Variants in IFI27L2 observed in about 807,000 individuals in gnomAD.
The protein encoded by IFI27L2 is interferon alpha inducible protein 27 like 2.
A neutral mutation model predicts 7.9 loss-of-function variants in IFI27L2; 8 were observed. The observed-to-expected ratio is 1.02, with a 90% CI of 0.60 to 1.84. The LOEUF is 1.84. IFI27L2 is among the 40% of genes most tolerant of loss of function. The pLI is 0.00. For missense variants in IFI27L2, 190 were observed against 165.8 expected, an observed-to-expected ratio of 1.15 and a Z score of -0.80; for synonymous variants, 56 against 66.5, an observed-to-expected ratio of 0.84 and a Z score of 0.77.
In IFI27L2 at chr14:94,128,562, C is replaced by G; in HGVS notation, c.151G>C (p.Gly51Arg). The change falls in exon 3 of 4, where the codon GGG becomes CGG. Residue 51 changes from glycine (G) to arginine (R), a missense_variant. Coordinates refer to ENST00000238609, the MANE Select transcript of IFI27L2 (RefSeq NM_032036.3). ...AGGCTCCCCGCAGAAACACCACCCC[C>G]GTTGGCAATGGCTGCTGCGGACATC... Reference protein sequence around the residue: ...KMMSAAAIANGGGVSAGSLVA... With the variant: ...KMMSAAAIANRGGVSAGSLVA... 6.2e-7 allele frequency: 1 copy of G among 1,614,208 alleles called. No individual in the cohort carries two copies. The highest frequency in any genetic ancestry group is 8.5e-7 in the Non-Finnish European group (1 of 1,180,020).
Position 94,127,929 on chromosome 14 carries a change from G to T in IFI27L2, c.263C>A (p.Ala88Asp). The change falls in exon 4 of 4, where the codon GCC becomes GAC. Residue 88 changes from alanine to aspartate, a missense_variant. Transcript: ENST00000238609. ...AGAAGAAGGTGAATTCCCCAAGCAGGCCCCCAACACTGACCCAACAGAGGC... is the reference window on the plus strand; with the variant it reads ...AGAAGAAGGTGAATTCCCCAAGCAGTCCCCCAACACTGACCCAACAGAGGC... ...LLASVGSVLG[A>D]CLGNSPSSSL... is the part of the protein sequence containing the mutation. 5 of 1,613,678 alleles carry T rather than the reference G, an allele frequency of 3.1e-6. No individual in the cohort carries two copies. The highest frequency in any genetic ancestry group is 4.2e-6 in the Non-Finnish European group (5 of 1,179,678).
intron 2 of IFI27L2, 74 bp downstream of exon 2, chr14:94,129,188 A>C: frequency 8.0e-7 from 1 of 1,256,404 alleles, no homozygotes; most frequent in Non-Finnish European, 1.1e-6. Flanking sequence ...CCAGCGCCTC[A>C]TCTCTGCGTT....
intron 2 of IFI27L2, 29 bp downstream of exon 2, chr14:94,129,233 C>T: frequency 6.2e-7 from 1 of 1,600,828 alleles, no homozygotes; most frequent in Non-Finnish European, 8.6e-7. Flanking sequence ...TAGGTGAGGG[C>T]CTGGAGACAG....
rs1049449118 is a variant in IFI27L2 at position 94,129,399 on chromosome 14, G to A, written c.8-108C>T. Reference sequence around the variant, plus strand: ...GGGAGGGAAGCAAGGAGCGGAGGGAGGAAGGGAAGGGGAGGGAGGAAGGGA... The same window carrying A: ...GGGAGGGAAGCAAGGAGCGGAGGGAAGAAGGGAAGGGGAGGGAGGAAGGGA... On this transcript the variant is annotated intron_variant, in intron 1 of 3. Transcript: ENST00000238609. 95 of 1,034,980 alleles carry A rather than the reference G, an allele frequency of 9.2e-5. 1 individual carries two copies. In the South Asian group the frequency reaches 1.3e-3, roughly 14 times the overall value. The allele number at this position is 1,034,980 out of a possible 1,614,324, so 64.1% of individuals were successfully genotyped here. A position where few individuals can be genotyped will look rare whatever the true frequency, so the allele number is the denominator to read the frequency against.
chr14:94,128,469 G>A (rs748233158), intron 3 of IFI27L2, 45 bp downstream of exon 3: 1 of 1,590,122 alleles, frequency 6.3e-7, no homozygotes, highest in Non-Finnish European at 8.6e-7. Flanking sequence ...CAGCCTCAGG[G>A]CTGGATCTTC....
chr14:94,128,418 G>A (rs1887624014), intron 3 of IFI27L2, 96 bp downstream of exon 3: 4 of 1,116,022 alleles, frequency 3.6e-6, no homozygotes, highest in Middle Eastern at 2.0e-4. Context: ...AGGAAGCTGA[G>A]GGTCACGGAA....
In IFI27L2 at chr14:94,128,603, G is replaced by A. The variant is rs867894828; in HGVS notation, c.110C>T (p.Ser37Phe). The A allele has an allele frequency of 2.5e-6, 4 of 1,614,160 alleles. No homozygotes were observed. Among genetic ancestry groups the A allele is most frequent in the Middle Eastern group, 1.6e-4 (1 of 6,062 alleles). ...GFTGAGIAASSIAAKMMSAAA... is the reference protein window; with the variant it reads ...GFTGAGIAASFIAAKMMSAAA... ...TGCGGACATCATCTTGGCTGCTATG[G>A]AGGACGCGGCGATTCCTGCCCCAGT... Residue 37 changes from serine (S) to phenylalanine (F), a missense_variant, in exon 3 of 4, where the codon TCC (serine) becomes TTC (phenylalanine). By Grantham distance (155) the Ser-to-Phe change is radical. Coordinates refer to ENST00000238609, the MANE Select transcript of IFI27L2 (RefSeq NM_032036.3).
intron 3 of IFI27L2, 67 bp from the exon 4 acceptor site, chr14:94,128,059 C>T: frequency 9.3e-7 from 1 of 1,078,020 alleles, no homozygotes; most frequent in South Asian, 1.4e-5. Context: ...CCGGATCCCT[C>T]CTCCAGGTCC....
At position 94,129,281 on chromosome 14, in the gene IFI27L2, AGCT is replaced by A. The variant is rs1414977728; in HGVS notation, c.15_17del (p.Ala9del). The A allele has an allele frequency of 1.9e-6, 3 of 1,610,012 alleles. No homozygotes were observed. Among genetic ancestry groups the A allele is most frequent in the Non-Finnish European group, 2.5e-6 (3 of 1,177,924 alleles). On this transcript the variant is annotated inframe_deletion, in exon 2 of 4. Transcript: ENST00000238609. Reference sequence around the variant, plus strand: ...ACTTACCTCCTCCCACTGCAGCAGCAGCTGCCCGTTCTAGAGAGAGAGTGCCAG... The same window carrying A: ...ACTTACCTCCTCCCACTGCAGCAGCAGCCCGTTCTAGAGAGAGAGTGCCAG...
At chr14:94,128,028 G>A in intron 3 of IFI27L2, 36 bp from the exon 4 acceptor site, 1 of 1,481,992 alleles carries the variant, frequency 6.7e-7, no homozygotes, top group African/African-American at 1.4e-5. Flanking sequence ...CAGGGGTCGG[G>A]CAGTGGCCCA....
In IFI27L2 at chr14:94,128,577, C is replaced by T. The variant is rs1320126867; in HGVS notation, c.136G>A (p.Ala46Thr). 6.2e-7 allele frequency: 1 copy of T among 1,614,192 alleles called. No individual in the cohort carries two copies. The highest frequency in any genetic ancestry group is 1.7e-5 in the Admixed American group (1 of 60,034). ...ACACCACCCCCGTTGGCAATGGCTG[C>T]TGCGGACATCATCTTGGCTGCTATG... The part of the protein sequence containing the change: ...SSIAAKMMSA[A>T]AIANGGGVSA... The change falls in exon 3 of 4, where the codon GCA (alanine) becomes ACA (threonine). Residue 46 changes from alanine (A) to threonine (T), a missense_variant. Physicochemically the swap from Ala to Thr is moderately conservative, Grantham distance 58. Transcript: ENST00000238609.
At position 94,128,610 on chromosome 14, in the gene IFI27L2, C is replaced by T. The variant is rs766846549; in HGVS notation, c.103G>A (p.Ala35Thr). Reference sequence around the variant, plus strand: ...ATCATCTTGGCTGCTATGGAGGACGCGGCGATTCCTGCCCCAGTGAAGCCC... The same window carrying T: ...ATCATCTTGGCTGCTATGGAGGACGTGGCGATTCCTGCCCCAGTGAAGCCC... ...AMGFTGAGIAASSIAAKMMSA... is the reference protein window; with the variant it reads ...AMGFTGAGIATSSIAAKMMSA... Residue 35 changes from alanine to threonine, a missense_variant, in exon 3 of 4, where the codon GCG (alanine) becomes ACG (threonine). By Grantham distance (58) the Ala-to-Thr change is moderately conservative. Coordinates refer to ENST00000238609, the MANE Select transcript of IFI27L2 (RefSeq NM_032036.3). 6.2e-6 allele frequency: 10 copies of T among 1,614,016 alleles called. No homozygotes were observed. The highest frequency in any genetic ancestry group is 3.3e-5 in the Admixed American group (2 of 60,012).
In IFI27L2 at chr14:94,127,904, A is replaced by C; in HGVS notation, c.288T>G (p.Ser96=). 2 of 1,613,794 alleles carry C rather than the reference A, an allele frequency of 1.2e-6. No individual in the cohort carries two copies. Among genetic ancestry groups the C allele is most frequent in the Non-Finnish European group, 1.7e-6 (2 of 1,179,746 alleles). The change falls in exon 4 of 4, where the codon TCT becomes TCG. Residue 96 remains serine, a synonymous_variant. Transcript: ENST00000238609. ...TAGCCTCGGGTTCAGCTGGGAGAGA[A>C]GAAGAAGGTGAATTCCCCAAGCAGG... ...LGACLGNSPS[S]SLPAEPEAKE... is the part of the protein sequence containing the mutation.
At chr14:94,128,371 C>T in intron 3 of IFI27L2, 143 bp downstream of exon 3, 1 of 719,254 alleles carries the variant, frequency 1.4e-6, no homozygotes, top group Non-Finnish European at 2.3e-6. Flanking sequence ...TCAGAAGGAG[C>T]CAGAAGAGGG....
rs1337623719 is a variant in IFI27L2 at position 94,129,540 on chromosome 14, T to TG, written c.7+17dup. On this transcript the variant is annotated intron_variant, in intron 1 of 3. Coordinates refer to ENST00000238609, the MANE Select transcript of IFI27L2 (RefSeq NM_032036.3). ...CCCCCAGCCCAGCCCGCCAGCCCCCTGGGGAAGCAAGACTCACTCATCATG... is the reference window on the plus strand; with the variant it reads ...CCCCCAGCCCAGCCCGCCAGCCCCCTGGGGGAAGCAAGACTCACTCATCATG... 2 of 1,612,208 alleles carry TG rather than the reference T, an allele frequency of 1.2e-6. No individual in the cohort carries two copies. Among genetic ancestry groups the TG allele is most frequent in the African/African-American group, 2.7e-5 (2 of 74,594 alleles).
chr14:94,129,315 G>T (rs758334301), intron 1 of IFI27L2, 24 bp from the exon 2 acceptor site: 2 of 1,606,974 alleles, frequency 1.2e-6, no homozygotes, highest in East Asian at 4.5e-5. Flanking sequence ...GCCAGGGGAA[G>T]GCAGAGGGAG....
chr14:94,129,194 G>A, intron 2 of IFI27L2, 68 bp downstream of exon 2: 1 of 1,328,796 alleles, frequency 7.5e-7, no homozygotes. Context: ...CCTCATCTCT[G>A]CGTTCTCCCA....
Position 94,129,422 on chromosome 14 carries a change from G to A in IFI27L2, c.8-131C>T, listed in dbSNP as rs542689082. 17 of 1,026,948 alleles carry A rather than the reference G, an allele frequency of 1.7e-5. No homozygotes were observed. The African/African-American group carries it at 1.9e-4, about 11-fold the overall frequency. 63.6% of individuals were successfully genotyped at this position (1,026,948 alleles called of 1,614,324 possible). On this transcript the variant is annotated intron_variant, in intron 1 of 3. Coordinates refer to ENST00000238609, the MANE Select transcript of IFI27L2 (RefSeq NM_032036.3). ...GAGGAAGGGAAGGGGAGGGAGGAAG[G>A]GAGGGAGAGGGAGTCAGTAGGTCAG...
chr14:94,129,567 T>C lies in IFI27L2; in HGVS notation c.-3A>G, dbSNP rs1294239732. 2 of 1,613,650 alleles carry C rather than the reference T, an allele frequency of 1.2e-6. No homozygotes were observed. The highest frequency in any genetic ancestry group is 4.5e-5 in the East Asian group (2 of 44,834). On this transcript the variant is annotated 5_prime_UTR_variant, in exon 1 of 4. Coordinates refer to ENST00000238609, the MANE Select transcript of IFI27L2 (RefSeq NM_032036.3). The stretch of plus-strand genomic sequence containing the variant: ...GGGAAGCAAGACTCACTCATCATGG[T>C]GAGGCCGTCCGGGTCCCAACTTGGC...
Sources: allele counts gnomAD v4.1 joint callset, GRCh38; gene constraint gnomAD v4.1.1; transcripts MANE v1.5; gene names NCBI Gene and HGNC (gene_info 2026-07-23, HGNC 2026-07-21).